Variants in PRKDC observed in about 807,000 individuals in gnomAD.
PRKDC encodes the protein DNA-dependent protein kinase catalytic subunit.
A neutral mutation model predicts 486.9 loss-of-function variants in PRKDC; 82 were observed. The ratio of observed to expected loss-of-function variants is 0.17; its 90% CI spans 0.14 to 0.20. The LOEUF (loss-of-function observed/expected upper bound fraction) is 0.20. PRKDC is among the 10% of genes least tolerant of loss of function. The probability of loss-of-function intolerance (pLI) is 1.00; values close to 1 mark genes in which losing one functional copy is unlikely to be tolerated. For missense variants in PRKDC, 4,504 were observed against 5,038.2 expected (o/e 0.89, Z 3.21); for synonymous variants, 1,895 against 1,837.0 (o/e 1.03, Z -0.81).
Position 47,794,573 on chromosome 8 carries a change from C to A in PRKDC, c.10459-72G>T, listed in dbSNP as rs2086943723. 5 of 1,279,788 alleles carry A rather than the reference C, an allele frequency of 3.9e-6. No individual in the cohort carries two copies. In the South Asian group the frequency reaches 7.6e-5, roughly 19 times the overall value. 79.3% of individuals were successfully genotyped at this position (1,279,788 alleles called of 1,614,324 possible). A position where few individuals can be genotyped will look rare whatever the true frequency, so the allele number is the denominator to read the frequency against. Reference sequence around the variant, plus strand: ...CATCTGTTATAAAAGTAACATATGTCCAAAATAAAGAAAACTCAGAAGTAT... The same window carrying A: ...CATCTGTTATAAAAGTAACATATGTACAAAATAAAGAAAACTCAGAAGTAT... On this transcript the variant is annotated intron_variant, in intron 73 of 85. Coordinates refer to ENST00000314191, the MANE Select transcript of PRKDC (RefSeq NM_006904.7).
Position 47,858,977 on chromosome 8 carries a change from C to G in PRKDC, c.6217G>C (p.Asp2073His), listed in dbSNP as rs764738945. ...TGRFRRREQR[D>H]PTVHDDVLEL... ...AGCACATCATCATGCACCGTGGGGT[C>G]CCGCTGCTCCTGCGAAAGGGAGGGC... Residue 2073 changes from aspartate to histidine, a missense_variant, in exon 47 of 86, where the codon GAC (aspartate) becomes CAC (histidine). Physicochemically the swap from Asp to His is moderately conservative, Grantham distance 81 (BLOSUM62 -1). This residue lies in a region of PRKDC where 1,592 missense variants were observed against 1,724.6 expected (regional missense o/e 0.92). Coordinates refer to ENST00000314191, the MANE Select transcript of PRKDC (RefSeq NM_006904.7). 7.4e-6 allele frequency: 12 copies of G among 1,612,860 alleles called. No individual in the cohort carries two copies. In the East Asian group the frequency reaches 2.7e-4, roughly 36 times the overall value.
chr8:47,825,225 T>C (rs1429661922), intron 63 of PRKDC, among the ~76,000 whole-genome samples: 1 of 152,086 alleles, frequency 6.6e-6, no homozygotes, highest in Non-Finnish European at 1.5e-5. Flanking sequence ...GTTAGAACAA[T>C]GGCCATGACA....
rs8178170 is a variant in PRKDC, at chr8:47,849,558, T to C, written c.7006-55A>G. Reference sequence around the variant, plus strand: ...CAAAAGTGGAAATGTAGGTTAAGCATTGAAAGCAAAGTTTATCTTGAGTAT... The same window carrying C: ...CAAAAGTGGAAATGTAGGTTAAGCACTGAAAGCAAAGTTTATCTTGAGTAT... On this transcript the variant is annotated intron_variant, in intron 52 of 85. Coordinates refer to ENST00000314191, the MANE Select transcript of PRKDC (RefSeq NM_006904.7). 4.5e-3 allele frequency: 7,037 copies of C among 1,576,902 alleles called. 69 individuals carry two copies. Among genetic ancestry groups the C allele is most frequent in the South Asian group, 0.025 (2,201 of 87,298 alleles).
rs1482390243 is a variant in PRKDC, at chr8:47,836,402, C to A, written c.7887G>T (p.Trp2629Cys). Residue 2629 changes from tryptophan (W) to cysteine (C), a missense_variant, in exon 58 of 86, where the codon TGG becomes TGT. By Grantham distance (215) the Trp-to-Cys change is radical. Around this residue, in one of 6 missense-constraint regions of PRKDC, gnomAD observed 1,592 missense variants for 1,724.6 expected, o/e 0.92. Coordinates refer to ENST00000314191, the MANE Select transcript of PRKDC (RefSeq NM_006904.7). ...RTQEGSLSAR[W>C]PVAGQIRATQ... ...TGGCCCTTATCTGCCCTGCCACTGG[C>A]CAGCGAGCTGAGAGGGACCCTTCCT... 6.2e-7 allele frequency: 1 copy of A among 1,611,602 alleles called. No homozygotes were observed. Among genetic ancestry groups the A allele is most frequent in the Non-Finnish European group, 8.5e-7 (1 of 1,178,722 alleles).
intron 21 of PRKDC, among the ~76,000 whole-genome samples, chr8:47,923,038 G>A (rs538448789): frequency 2.9e-4 from 44 of 152,006 alleles, no homozygotes; most frequent in African/African-American, 9.4e-4. Flanking sequence ...ACTGATCAAG[G>A]ACTTTGCCTG....
chr8:47,778,364 T>C (rs886911693), intron 83 of PRKDC, 95 bp downstream of exon 83: 3 of 1,322,896 alleles, frequency 2.3e-6, no homozygotes, highest in Non-Finnish European at 3.1e-6. Flanking sequence ...ACTAATATGT[T>C]GTTTTTCCTT....
intron 68 of PRKDC, among the ~76,000 whole-genome samples, chr8:47,816,212 A>C (rs1014718447): frequency 2.0e-5 from 3 of 151,978 alleles, no homozygotes; most frequent in Non-Finnish European, 4.4e-5. Flanking sequence ...GCATCAAAAA[A>C]AAAAAAATTA....
At chr8:47,799,060 C>T (rs2087041514) in intron 72 of PRKDC, 150 bp downstream of exon 72, 4 of 1,043,718 alleles carry the variant, frequency 3.8e-6, no homozygotes, top group Non-Finnish European at 5.4e-6. Flanking sequence ...ATCCACTGCA[C>T]CCGGCTGCCA....
chr8:47,827,202 T>G (rs2087759674), intron 62 of PRKDC, among the ~76,000 whole-genome samples: 1 of 150,648 alleles, frequency 6.6e-6, no homozygotes, highest in Admixed American at 6.6e-5. Context: ...AGCTAATGTA[T>G]AAAGAAATTT....
Position 47,789,206 on chromosome 8 carries a change from A to C in PRKDC, c.10703T>G (p.Ile3568Ser). 1 of 1,607,102 alleles carries C rather than the reference A, an allele frequency of 6.2e-7. No homozygotes were observed. ...IKSKLDQGGVIQDFINALDQL... is the reference protein window; with the variant it reads ...IKSKLDQGGVSQDFINALDQL... ...ATCTAAGGCATTAATAAAATCTTGA[A>C]TCACTCCTCCTTGATCCAACTTACT... The change falls in exon 75 of 86, where the codon ATT (isoleucine) becomes AGT (serine). Residue 3568 changes from isoleucine (I) to serine (S), a missense_variant. Coordinates refer to ENST00000314191, the MANE Select transcript of PRKDC (RefSeq NM_006904.7).
At chr8:47,904,839 G>T (rs760304630) in intron 26 of PRKDC, 30 bp downstream of exon 26, 17 of 1,415,442 alleles carry the variant, frequency 1.2e-5, no homozygotes, top group Non-Finnish European at 1.2e-5. Context: ...ATCGATGGGA[G>T]TAAGAGGAAA....
chr8:47,814,943 G>A (rs2087412176), intron 68 of PRKDC, among the ~76,000 whole-genome samples: 1 of 152,076 alleles, frequency 6.6e-6, no homozygotes. Flanking sequence ...TGGGCGTGTT[G>A]CTTGAGCCCA....
At chr8:47,774,398 G>A in intron 85 of PRKDC, 21 bp from the exon 86 acceptor site, 3 of 1,605,868 alleles carry the variant, frequency 1.9e-6, no homozygotes, top group Non-Finnish European at 2.5e-6. Context: ...AACAAACACA[G>A]AAAACACAAA....
chr8:47,809,117 G>A (rs2087274687), intron 68 of PRKDC, among the ~76,000 whole-genome samples: 1 of 149,352 alleles, frequency 6.7e-6, no homozygotes, highest in South Asian at 2.2e-4. Flanking sequence ...GGGGAGTAGA[G>A]GGGAAGGGAG....
intron 27 of PRKDC, among the ~76,000 whole-genome samples, chr8:47,900,746 G>T (rs1363138342): frequency 6.6e-6 from 1 of 152,020 alleles, no homozygotes; most frequent in Non-Finnish European, 1.5e-5. Context: ...CTACTCGGGA[G>T]GCTGAGGCAG....
At chr8:47,829,674 C>T (rs1014059320) in intron 61 of PRKDC, among the ~76,000 whole-genome samples, 1 of 152,010 alleles carries the variant, frequency 6.6e-6, no homozygotes, top group African/African-American at 2.4e-5. Flanking sequence ...CCGTTTACAA[C>T]AGCCACAGAA....
rs2089235425 is a variant in PRKDC, at chr8:47,882,200, C to T, written c.4777-103G>A. The T allele has an allele frequency of 2.7e-6, 3 of 1,097,596 alleles. No homozygotes were observed. The South Asian group carries it at 4.7e-5, about 17-fold the overall frequency. The allele number at this position is 1,097,596 out of a possible 1,614,324, so 68.0% of individuals were successfully genotyped here. ...AAGCTATTCTTGGAAAATAAATAAG[C>T]TATTTCTATAATAGATGTTTATCTA... On this transcript the variant is annotated intron_variant, in intron 36 of 85. Coordinates refer to ENST00000314191, the MANE Select transcript of PRKDC (RefSeq NM_006904.7).
rs777852071 is a variant in PRKDC, at chr8:47,819,387, G to A, written c.9445+15C>T. The A allele has an allele frequency of 2.4e-5, 34 of 1,433,234 alleles. No individual in the cohort carries two copies. Among genetic ancestry groups the A allele is most frequent in the East Asian group, 2.0e-4 (8 of 40,630 alleles). 88.8% of individuals were successfully genotyped at this position (1,433,234 alleles called of 1,614,324 possible). On this transcript the variant is annotated intron_variant, in intron 67 of 85. Transcript: ENST00000314191. ...CAATTAGAAATGAAAAAAAAAGACC[G>A]ATGAAAAAAATTACCTTGTTTGCTT...
chr8:47,897,747 T>TA (rs529733484), intron 29 of PRKDC, among the ~76,000 whole-genome samples: 16 of 152,238 alleles, frequency 1.1e-4, no homozygotes, highest in Non-Finnish European at 2.1e-4. Context: ...CAGGCAATTC[T>TA]AATGTATGCT....
Sources: gnomAD v4.1 joint callset for allele counts (sites outside exome capture counted in the v4.1 genomes callset) on GRCh38, gnomAD v4.1.1 for gene constraint, gnomAD v4.1.1 regional missense constraint, MANE v1.5 for transcripts, NCBI Gene and HGNC (gene_info 2026-07-23, HGNC 2026-07-21) for gene names.